PLXNA1: variants seen among roughly 807,000 people sequenced by gnomAD.
PLXNA1 encodes the protein plexin-A1.
Under a neutral mutation model 191.7 loss-of-function variants are expected in PLXNA1, and 77 were observed. That is an observed-to-expected ratio of 0.40 (90% CI 0.33 to 0.49). The LOEUF (loss-of-function observed/expected upper bound fraction) is 0.49, where lower values mean the gene tolerates loss of function less well. PLXNA1 is among the 20% of genes least tolerant of loss of function. The pLI is 0.63. For synonymous variants in PLXNA1, 1,137 were observed against 1,156.4 expected (o/e 0.98, Z 0.34); for missense variants, 2,110 against 2,660.2 (o/e 0.79, Z 4.55).
In PLXNA1 at chr3:127,006,095, G is replaced by A. The variant is rs780481457; in HGVS notation, c.1914G>A (p.Val638=). ...CTCGTGCAGGAGACCAGCGGGTGGT[G>A]AAACTCTACCTAAAGTCCAAGGAGA... ...ITRGQGDQRV[V]KLYLKSKETG... is the part of the protein sequence containing the mutation. The change falls in exon 8 of 32, where the codon GTG becomes GTA. Residue 638 remains valine, a synonymous_variant. Coordinates refer to ENST00000393409, the MANE Select transcript of PLXNA1 (RefSeq NM_032242.4). 2 of 1,613,804 alleles carry A rather than the reference G, an allele frequency of 1.2e-6. No individual in the cohort carries two copies. Among genetic ancestry groups the A allele is most frequent in the Non-Finnish European group, 1.7e-6 (2 of 1,179,920 alleles).
At chr3:126,991,918 C>A (rs2078992812) in intron 3 of PLXNA1, among the ~76,000 whole-genome samples, 1 of 152,124 alleles carries the variant, frequency 6.6e-6, no homozygotes, top group Admixed American at 6.5e-5. Context: ...CCTGCGCGGC[C>A]CCCTCCCCTC....
At chr3:127,033,610 T>C (rs1400059095) in intron 31 of PLXNA1, among the ~76,000 whole-genome samples, 1 of 152,032 alleles carries the variant, frequency 6.6e-6, no homozygotes, top group Non-Finnish European at 1.5e-5. Flanking sequence ...TGAGGCTCTC[T>C]GGGGAGCTCT....
chr3:127,019,663 C>T (rs530406102), intron 20 of PLXNA1, among the ~76,000 whole-genome samples: 2 of 152,332 alleles, frequency 1.3e-5, no homozygotes, highest in African/African-American at 4.8e-5. Flanking sequence ...GCCTGATCCT[C>T]GGGCTGCCAC....
At chr3:126,983,764 G>T (rs1367311287) in intron 1 of PLXNA1, among the ~76,000 whole-genome samples, 2 of 151,992 alleles carry the variant, frequency 1.3e-5, no homozygotes, top group South Asian at 4.1e-4. Flanking sequence ...GCTGGACCTC[G>T]GCTCAGACCT....
rs751514214 is a variant in PLXNA1 at position 127,029,926 on chromosome 3, C to G, written c.4923C>G (p.Pro1641=). ...SSPDSLRSRT[P]MITPDLESGT... The stretch of plus-strand genomic sequence containing the variant: ...CCGACAGCCTGCGCTCGCGCACGCC[C>G]ATGATCACGCCCGACCTGGAGAGCG... The change falls in exon 28 of 32, where the codon CCC becomes CCG. Residue 1641 remains proline (P), a synonymous_variant. Transcript: ENST00000393409. 3 of 1,613,450 alleles carry G rather than the reference C, an allele frequency of 1.9e-6. No individual in the cohort carries two copies. In the South Asian group the frequency reaches 3.3e-5, roughly 18 times the overall value.
At position 127,037,004 on chromosome 3, in the gene PLXNA1, C is replaced by G. The variant is rs1412001280; in HGVS notation, c.*2987C>G. The G allele has an allele frequency of 1.3e-5, 2 of 152,386 alleles. No individual in the cohort carries two copies. The highest frequency in any genetic ancestry group is 2.1e-4 in the South Asian group (1 of 4,838). The allele number at this position is 152,386 out of a possible 1,614,324, so 9.4% of individuals were successfully genotyped here. On this transcript the variant is annotated 3_prime_UTR_variant, in exon 32 of 32. Coordinates refer to ENST00000393409, the MANE Select transcript of PLXNA1 (RefSeq NM_032242.4). Reference sequence around the variant, plus strand: ...GGCCCCACGACCTGCAGCGTCGAGTCCGGGAGAGAGCCCGGAGCGGCGTGC... The same window carrying G: ...GGCCCCACGACCTGCAGCGTCGAGTGCGGGAGAGAGCCCGGAGCGGCGTGC...
chr3:127,008,104 G>A (rs1004626147), intron 9 of PLXNA1, among the ~76,000 whole-genome samples, 191 bp downstream of exon 9: 5 of 152,174 alleles, frequency 3.3e-5, no homozygotes, highest in African/African-American at 4.8e-5. Flanking sequence ...GAGGCCTGTG[G>A]GGTCACTGTC....
intron 15 of PLXNA1, 127 bp from the exon 16 acceptor site, chr3:127,016,390 G>A: frequency 1.3e-6 from 1 of 788,320 alleles, no homozygotes; most frequent in Non-Finnish European, 2.1e-6. Flanking sequence ...AGCGGTGATA[G>A]TATGCAGCCA....
intron 23 of PLXNA1, chr3:127,027,027 G>C (rs893554918): frequency 5.6e-5 from 9 of 160,956 alleles, no homozygotes; most frequent in Non-Finnish European, 9.6e-5. Context: ...ACTCCAGAGG[G>C]GTTGCCAGGG....
At chr3:126,986,498 G>A (rs115514798) in intron 1 of PLXNA1, among the ~76,000 whole-genome samples, 464 of 152,340 alleles carry the variant, frequency 3.0e-3, no homozygotes, top group African/African-American at 9.4e-3. Context: ...GAGTGAAACA[G>A]GAGTGAAGAA....
rs750083584 is a variant in PLXNA1 at position 127,005,265 on chromosome 3, G to A, written c.1897+22G>A. 3 of 1,590,498 alleles carry A rather than the reference G, an allele frequency of 1.9e-6. No homozygotes were observed. In the South Asian group the frequency reaches 3.4e-5, roughly 18 times the overall value. On this transcript the variant is annotated intron_variant, in intron 7 of 31. Transcript: ENST00000393409. Reference sequence around the variant, plus strand: ...CAGGGTGAGTGGCCCCAACACAATGGTGCCCGCTGCCTGGCCAGGTCCAGG... The same window carrying A: ...CAGGGTGAGTGGCCCCAACACAATGATGCCCGCTGCCTGGCCAGGTCCAGG...
In PLXNA1 at chr3:127,007,669, G is replaced by C. The variant is rs1188821776; in HGVS notation, c.1998-130G>C. The C allele has an allele frequency of 6.7e-6, 4 of 595,296 alleles. No individual in the cohort carries two copies. The African/African-American group carries it at 7.5e-5, about 11-fold the overall frequency. 36.9% of individuals were successfully genotyped at this position (595,296 alleles called of 1,614,324 possible). On this transcript the variant is annotated intron_variant, in intron 8 of 31. Transcript: ENST00000393409. ...TTGGGGGAAGAACTTTCCAGGCCAGGAGCAGTCAGTGCCAAGACCCTGAGG... is the reference window on the plus strand; with the variant it reads ...TTGGGGGAAGAACTTTCCAGGCCAGCAGCAGTCAGTGCCAAGACCCTGAGG...
At chr3:127,006,303 T>A in intron 8 of PLXNA1, 125 bp downstream of exon 8, 1 of 747,278 alleles carries the variant, frequency 1.3e-6, no homozygotes, top group Non-Finnish European at 2.3e-6. Context: ...CAGATGGTGA[T>A]TCCATGATTG....
Position 126,989,330 on chromosome 3 carries a change from A to T in PLXNA1, c.737A>T (p.Tyr246Phe). The change falls in exon 2 of 32, where the codon TAT becomes TTT. Residue 246 changes from tyrosine to phenylalanine, a missense_variant. By Grantham distance (22) the Tyr-to-Phe change is conservative (BLOSUM62 3). Around this residue, in one of 4 missense-constraint regions of PLXNA1, gnomAD observed 903 missense variants for 1,015.7 expected, o/e 0.89. Coordinates refer to ENST00000393409, the MANE Select transcript of PLXNA1 (RefSeq NM_032242.4). ...LSKFPAFDIYYVYSFRSEQFV... is the reference protein window; with the variant it reads ...LSKFPAFDIYFVYSFRSEQFV... ...AAGTTCCCGGCCTTTGACATCTACT[A>T]TGTGTACAGCTTCCGCAGCGAGCAG... is the stretch of plus-strand genomic sequence containing the variant. 6.2e-7 allele frequency: 1 copy of T among 1,613,634 alleles called. No individual in the cohort carries two copies. The highest frequency in any genetic ancestry group is 8.5e-7 in the Non-Finnish European group (1 of 1,180,024).
In PLXNA1 at chr3:126,991,575, T is replaced by C; in HGVS notation, c.1377+9T>C. 1 of 1,540,214 alleles carries C rather than the reference T, an allele frequency of 6.5e-7. No individual in the cohort carries two copies. The highest frequency in any genetic ancestry group is 8.8e-7 in the Non-Finnish European group (1 of 1,136,866). ...GTGGCCGCATCCGCAAGGTCAGGCC[T>C]GGGTGGGGTGGGGTGAGGAGGGGGC... On this transcript the variant is annotated intron_variant, in intron 3 of 31. Transcript: ENST00000393409.
intron 3 of PLXNA1, among the ~76,000 whole-genome samples, chr3:126,998,919 A>G (rs2079027180): frequency 6.6e-6 from 1 of 152,178 alleles, no homozygotes; most frequent in African/African-American, 2.4e-5. Context: ...GGCTTCCTGC[A>G]AATCCTGTTT....
chr3:127,024,715 T>C (rs1457298827), intron 23 of PLXNA1, among the ~76,000 whole-genome samples: 2 of 152,086 alleles, frequency 1.3e-5, no homozygotes, highest in Admixed American at 1.3e-4. Flanking sequence ...CCCCTATATA[T>C]GCAAGGGAGG....
At chr3:127,033,539 A>C (rs1400325588) in intron 31 of PLXNA1, among the ~76,000 whole-genome samples, 1 of 152,072 alleles carries the variant, frequency 6.6e-6, no homozygotes, top group Non-Finnish European at 1.5e-5. Context: ...GACTGCATGT[A>C]TTAGGGTGGG....
chr3:127,015,616 T>A (rs943285710), intron 15 of PLXNA1, among the ~76,000 whole-genome samples: 100 of 152,366 alleles, frequency 6.6e-4, no homozygotes, highest in African/African-American at 1.8e-3. Flanking sequence ...AAGTATTTTT[T>A]AAAAATTTTT....
Sources: allele counts gnomAD v4.1 joint callset (sites outside exome capture counted in the v4.1 genomes callset), GRCh38; gene constraint gnomAD v4.1.1; regional missense constraint gnomAD v4.1.1; transcripts MANE v1.5; gene names NCBI Gene and HGNC (gene_info 2026-07-23, HGNC 2026-07-21).